PVT1: variants seen among roughly 807,000 people sequenced by gnomAD.
PVT1 encodes Pvt1 oncogene.
chr8:127,862,109 A>C (rs968102495), intron 2 of PVT1, among the ~76,000 whole-genome samples: 2 of 152,224 alleles, frequency 1.3e-5, no homozygotes, highest in African/African-American at 4.8e-5. Context: ...CTCTTTTAAA[A>C]AAATTTTAAC....
chr8:127,993,005 T>C (rs1817060931), intron 4 of PVT1, among the ~76,000 whole-genome samples: 1 of 152,246 alleles, frequency 6.6e-6, no homozygotes, highest in South Asian at 2.1e-4. Flanking sequence ...CCTGGCCCAC[T>C]CGGAACTCTA....
chr8:127,879,243 C>G (rs958867973), intron 2 of PVT1, among the ~76,000 whole-genome samples: 5 of 152,122 alleles, frequency 3.3e-5, no homozygotes, highest in African/African-American at 1.2e-4. Context: ...GAACAAAGAC[C>G]CAGGGCTGGG....
intron 2 of PVT1, among the ~76,000 whole-genome samples, chr8:127,838,172 C>T (rs762867280): frequency 1.3e-5 from 2 of 151,924 alleles, no homozygotes; most frequent in Non-Finnish European, 2.9e-5. Context: ...GCTGGAATTA[C>T]AGGCATGAAC....
chr8:127,932,618 A>T (rs1262753535), intron 3 of PVT1: 1 of 398,474 alleles, frequency 2.5e-6, no homozygotes. Context: ...GTTCGTAGAC[A>T]TGGTACCTGA....
At chr8:127,998,582 CTCTTT>C (rs1020050495) in intron 4 of PVT1, among the ~76,000 whole-genome samples, 9 of 147,664 alleles carry the variant, frequency 6.1e-5, no homozygotes, top group African/African-American at 1.8e-4. Context: ...TCCTCCCTCC[CTCTTT>C]TCTTTTCTTT....
At chr8:127,813,507 GACC>G (rs1814624890) in intron 2 of PVT1, among the ~76,000 whole-genome samples, 1 of 152,014 alleles carries the variant, frequency 6.6e-6, no homozygotes, top group Non-Finnish European at 1.5e-5. Flanking sequence ...GAGTGACAGT[GACC>G]ACATCAGTCA....
chr8:127,819,668 T>C (rs1391384620), intron 2 of PVT1, among the ~76,000 whole-genome samples: 2 of 152,186 alleles, frequency 1.3e-5, no homozygotes, highest in East Asian at 1.9e-4. Context: ...ACCCTCAGGC[T>C]ACCCAGCCCT....
intron 5 of PVT1, among the ~76,000 whole-genome samples, chr8:128,091,035 C>G (rs751973172): frequency 9.2e-5 from 14 of 152,176 alleles, no homozygotes; most frequent in Non-Finnish European, 2.1e-4. Context: ...TTCCCACAGA[C>G]TTTCCTGGGG....
intron 4 of PVT1, among the ~76,000 whole-genome samples, chr8:128,035,798 C>T (rs557908885): frequency 3.3e-5 from 5 of 152,238 alleles, no homozygotes; most frequent in African/African-American, 9.6e-5. Context: ...GAGATATGAC[C>T]ATGGAAGCAG....
chr8:127,909,211 G>A (rs534572853), intron 3 of PVT1, among the ~76,000 whole-genome samples: 2 of 152,312 alleles, frequency 1.3e-5, no homozygotes, highest in Non-Finnish European at 2.9e-5. Flanking sequence ...AATGGGTCAC[G>A]CAGGCCGCGT....
At chr8:127,848,297 G>C (rs1815058261) in intron 2 of PVT1, among the ~76,000 whole-genome samples, 1 of 152,062 alleles carries the variant, frequency 6.6e-6, no homozygotes, top group Non-Finnish European at 1.5e-5. Flanking sequence ...TGTGCCTGTA[G>C]TCTCAGCTAC....
At chr8:128,003,748 GA>G (rs1817213797) in intron 4 of PVT1, among the ~76,000 whole-genome samples, 1 of 152,204 alleles carries the variant, frequency 6.6e-6, no homozygotes, top group Admixed American at 6.5e-5. Context: ...AGATTTGGGG[GA>G]CTATTCTCCA....
chr8:127,907,238 G>A (rs2129837163), intron 3 of PVT1, among the ~76,000 whole-genome samples: 1 of 152,198 alleles, frequency 6.6e-6, no homozygotes, highest in Non-Finnish European at 1.5e-5. Context: ...CAAAGTGCTG[G>A]GATTACAGGT....
At chr8:127,900,365 T>TA (rs959979441) in intron 3 of PVT1, among the ~76,000 whole-genome samples, 36 of 148,452 alleles carry the variant, frequency 2.4e-4, no homozygotes, top group East Asian at 5.9e-4. Flanking sequence ...TAAAGAAATT[T>TA]AAAAAAAAAA....
intron 2 of PVT1, among the ~76,000 whole-genome samples, chr8:127,875,136 T>C (rs1815391853): frequency 1.3e-5 from 2 of 152,094 alleles, no homozygotes; most frequent in African/African-American, 4.8e-5. Flanking sequence ...GGGTGCTGGA[T>C]TTTGGTTTTA....
intron 2 of PVT1, among the ~76,000 whole-genome samples, chr8:127,796,506 C>A (rs939848549): frequency 6.6e-6 from 1 of 152,086 alleles, no homozygotes; most frequent in African/African-American, 2.4e-5. Flanking sequence ...GAGCGGTAGG[C>A]AGGCACTCTG....
At chr8:127,818,140 G>T (rs1814688042) in intron 2 of PVT1, among the ~76,000 whole-genome samples, 5 of 152,130 alleles carry the variant, frequency 3.3e-5, no homozygotes, top group Non-Finnish European at 7.4e-5. Context: ...AGGTGATCTT[G>T]ACTTGCCCAG....
intron 3 of PVT1, among the ~76,000 whole-genome samples, chr8:127,908,821 TCCCTG>T (rs1055171620): frequency 6.6e-6 from 1 of 151,878 alleles, no homozygotes. Context: ...AGCAGTAGGG[TCCCTG>T]CCACAGGGAG....
At chr8:127,919,412 A>G (rs1422060708) in intron 3 of PVT1, among the ~76,000 whole-genome samples, 1 of 152,138 alleles carries the variant, frequency 6.6e-6, no homozygotes, top group Non-Finnish European at 1.5e-5. Flanking sequence ...AAAGTTATTG[A>G]CTTAGCGACA....
Sources: gnomAD v4.1 joint callset for allele counts (sites outside exome capture counted in the v4.1 genomes callset) on GRCh38, gnomAD v4.1.1 for gene constraint, MANE v1.5 for transcripts, NCBI Gene and HGNC (gene_info 2026-07-23, HGNC 2026-07-21) for gene names.